The following NRCAM variants were observed in gnomAD, a reference collection of about 807,000 sequenced individuals.
NRCAM encodes the protein NgCAM-related cell adhesion molecule.
In NRCAM, 83 loss-of-function variants were observed where a neutral mutation model predicts 156.5. That is an observed-to-expected ratio of 0.53 (90% CI 0.44 to 0.64). The LOEUF (loss-of-function observed/expected upper bound fraction) is 0.64. NRCAM is among the 30% of genes least tolerant of loss of function. The pLI, the probability that NRCAM is intolerant of heterozygous loss-of-function variation, is 0.00. For missense variants in NRCAM, 1,417 were observed against 1,597.3 expected (o/e 0.89, Z 1.92); for synonymous variants, 538 against 563.9 (o/e 0.95, Z 0.65).
chr7:108,434,722 T>C (rs1275700240), intron 1 of NRCAM, among the ~76,000 whole-genome samples: 1 of 152,170 alleles, frequency 6.6e-6, no homozygotes, highest in Non-Finnish European at 1.5e-5. Flanking sequence ...GTCCAACTTT[T>C]GGTCAGTTAT....
At chr7:108,204,827 CCTAA>C (rs983869144) in intron 13 of NRCAM, among the ~76,000 whole-genome samples, 1 of 152,136 alleles carries the variant, frequency 6.6e-6, no homozygotes, top group Non-Finnish European at 1.5e-5. Context: ...GACATTTAGT[CCTAA>C]CTCTTTCTTC....
chr7:108,425,591 T>C (rs745378651), intron 1 of NRCAM, among the ~76,000 whole-genome samples: 1 of 152,232 alleles, frequency 6.6e-6, no homozygotes, highest in Non-Finnish European at 1.5e-5. Flanking sequence ...CAAATAATTA[T>C]CCCTGACTTT....
chr7:108,163,299 G>A (rs1463662242), intron 30 of NRCAM, among the ~76,000 whole-genome samples: 1 of 152,164 alleles, frequency 6.6e-6, no homozygotes, highest in Non-Finnish European at 1.5e-5. Context: ...CTTTACAACA[G>A]TCTTCTGCTC....
chr7:108,235,269 T>C (rs188434784), intron 5 of NRCAM, among the ~76,000 whole-genome samples: 1 of 152,096 alleles, frequency 6.6e-6, no homozygotes, highest in Non-Finnish European at 1.5e-5. Context: ...TAAATGGAAT[T>C]GAGGAAGTTC....
chr7:108,190,330 A>G (rs402142), intron 19 of NRCAM, among the ~76,000 whole-genome samples: 104,406 of 151,530 alleles, frequency 0.69, 37,596 homozygotes, highest in East Asian at 0.96. Flanking sequence ...ACACATGTCG[A>G]GATGAAGGTG....
intron 3 of NRCAM, among the ~76,000 whole-genome samples, chr7:108,241,207 G>A (rs2095503143): frequency 6.6e-6 from 1 of 152,162 alleles, no homozygotes; most frequent in Non-Finnish European, 1.5e-5. Flanking sequence ...TACACATATT[G>A]CATACATGCT....
At chr7:108,255,292 G>T (rs943198378) in intron 3 of NRCAM, among the ~76,000 whole-genome samples, 1 of 151,830 alleles carries the variant, frequency 6.6e-6, no homozygotes, top group Non-Finnish European at 1.5e-5. Context: ...TCAGCCTGCC[G>T]AGTGCCTGGG....
Position 108,167,043 on chromosome 7 carries a change from T to C in NRCAM, c.3344A>G (p.Asn1115Ser), listed in dbSNP as rs1321573862. 2 of 1,613,670 alleles carry C rather than the reference T, an allele frequency of 1.2e-6. No individual in the cohort carries two copies. Among genetic ancestry groups the C allele is most frequent in the African/African-American group, 1.3e-5 (1 of 74,920 alleles). ...SKEEWRKEIV[N>S]GSRSFFGLKG... ...TAACCCAAAGAAGCTCCGAGAACCA[T>C]TTACAATTTCTTTTCTCCATTCTTC... is the stretch of plus-strand genomic sequence containing the variant. The change falls in exon 30 of 33, where the codon AAT becomes AGT. Residue 1115 changes from asparagine (N) to serine (S), a missense_variant. Physicochemically the swap from Asn to Ser is conservative, Grantham distance 46 (BLOSUM62 1). Transcript: ENST00000379028.
intron 32 of NRCAM, among the ~76,000 whole-genome samples, chr7:108,156,832 G>C (rs2045788492): frequency 6.6e-6 from 1 of 152,144 alleles, no homozygotes; most frequent in African/African-American, 2.4e-5. Flanking sequence ...ATCTCAGGAA[G>C]TGAATGACAC....
At chr7:108,180,715 A>G (rs1330232707) in intron 24 of NRCAM, among the ~76,000 whole-genome samples, 1 of 152,188 alleles carries the variant, frequency 6.6e-6, no homozygotes, top group Non-Finnish European at 1.5e-5. Flanking sequence ...TCTCTAGAAC[A>G]TGAGGCAAAT....
At chr7:108,367,370 C>T (rs1457998478) in intron 2 of NRCAM, among the ~76,000 whole-genome samples, 1 of 152,032 alleles carries the variant, frequency 6.6e-6, no homozygotes, top group Non-Finnish European at 1.5e-5. Flanking sequence ...TTGAAGAATG[C>T]ATTTGATTTA....
chr7:108,198,682 G>T (rs2076397379), intron 13 of NRCAM, among the ~76,000 whole-genome samples: 1 of 152,206 alleles, frequency 6.6e-6, no homozygotes, highest in African/African-American at 2.4e-5. Flanking sequence ...CCTTTTAGGA[G>T]CCTCTTCTTG....
At chr7:108,356,072 C>G (rs542082226) in intron 2 of NRCAM, among the ~76,000 whole-genome samples, 117 of 152,012 alleles carry the variant, frequency 7.7e-4, no homozygotes, top group Non-Finnish European at 1.2e-3. Flanking sequence ...CCTCACCCTG[C>G]TGAGTAGCTG....
chr7:108,176,526 T>A lies in NRCAM; in HGVS notation c.3055A>T (p.Asn1019Tyr). The change falls in exon 27 of 33, where the codon AAT (asparagine) becomes TAT (tyrosine). Residue 1019 changes from asparagine to tyrosine, a missense_variant. Physicochemically the swap from Asn to Tyr is moderately radical, Grantham distance 143. Around this residue, in one of 2 missense-constraint regions of NRCAM, gnomAD observed 1,238 missense variants for 1,336.4 expected, o/e 0.93. Transcript: ENST00000379028. ...NKTRWTLKNL[N>Y]FSTRYKFYFY... The stretch of plus-strand genomic sequence containing the variant: ...TAAAACTTATATCGAGTGCTGAAAT[T>A]TAAATTTTTTAAAGTCCACCGTGTC... The A allele has an allele frequency of 1.9e-6, 3 of 1,613,748 alleles. No individual in the cohort carries two copies. Among genetic ancestry groups the A allele is most frequent in the Non-Finnish European group, 8.5e-7 (1 of 1,179,808 alleles).
intron 2 of NRCAM, among the ~76,000 whole-genome samples, chr7:108,363,460 C>A (rs1175910663): frequency 1.3e-5 from 2 of 152,080 alleles, no homozygotes; most frequent in Non-Finnish European, 2.9e-5. Context: ...AAATTTTTCG[C>A]CATGTTGCCC....
chr7:108,150,803 GT>G, intron 32 of NRCAM: 1 of 465,768 alleles, frequency 2.1e-6, no homozygotes, highest in Non-Finnish European at 4.3e-6. Flanking sequence ...GTATTTTTTT[GT>G]TTTTTTGGTA....
At chr7:108,171,473 C>A (rs2152045829) in intron 28 of NRCAM, among the ~76,000 whole-genome samples, 1 of 152,276 alleles carries the variant, frequency 6.6e-6, no homozygotes, top group African/African-American at 2.4e-5. Flanking sequence ...ACCCAGACAT[C>A]CGGTATGTTT....
At chr7:108,436,435 G>A (rs1195601794) in intron 1 of NRCAM, among the ~76,000 whole-genome samples, 1 of 152,146 alleles carries the variant, frequency 6.6e-6, no homozygotes, top group African/African-American at 2.4e-5. Flanking sequence ...CCAAAGAGCT[G>A]TGGCCTTTAA....
chr7:108,424,851 ATACAT>A (rs1443260477), intron 1 of NRCAM, among the ~76,000 whole-genome samples: 1 of 152,228 alleles, frequency 6.6e-6, no homozygotes, highest in Non-Finnish European at 1.5e-5. Context: ...TATATGAAAT[ATACAT>A]TACATTAGTG....
Sources: gnomAD v4.1 joint callset for allele counts (sites outside exome capture counted in the v4.1 genomes callset) on GRCh38, gnomAD v4.1.1 for gene constraint, gnomAD v4.1.1 regional missense constraint, MANE v1.5 for transcripts, NCBI Gene and HGNC (gene_info 2026-07-23, HGNC 2026-07-21) for gene names.